Variants in NOC3L observed in about 807,000 individuals in gnomAD.
NOC3L encodes the protein nucleolar complex protein 3 homolog.
In NOC3L, 85 loss-of-function variants were observed where a neutral mutation model predicts 102.5. The ratio of observed to expected loss-of-function variants is 0.83; its 90% CI spans 0.70 to 0.99. The LOEUF (loss-of-function observed/expected upper bound fraction) is 0.99. NOC3L is among the 50% of genes least tolerant of loss of function. NOC3L has a pLI of 0.00. For synonymous variants in NOC3L, 303 were observed against 309.4 expected, an observed-to-expected ratio of 0.98 and a Z score of 0.22; for missense variants, 878 against 914.9, an observed-to-expected ratio of 0.96 and a Z score of 0.52.
At chr10:94,328,980 T>A (rs2133960740), downstream of NOC3L, 1 of 152,350 alleles carries the variant, frequency 6.6e-6, no homozygotes, top group South Asian at 2.1e-4. Context: ...GCGTTTAAAT[T>A]TATTTTGCAA....
At chr10:94,340,588 G>A in intron 14 of NOC3L, 92 bp from the exon 15 acceptor site, 1 of 1,067,050 alleles carries the variant, frequency 9.4e-7, no homozygotes, top group South Asian at 1.4e-5. Flanking sequence ...AAGGCCAGGA[G>A]CAAAGACTCA....
downstream of NOC3L, chr10:94,330,193 C>T (rs1369744026): frequency 6.6e-6 from 1 of 152,212 alleles, no homozygotes; most frequent in Non-Finnish European, 1.5e-5. Flanking sequence ...CCTCCATGAC[C>T]TTTAACACAG....
chr10:94,352,663 A>C (rs748836860), intron 7 of NOC3L, among the ~76,000 whole-genome samples: 76 of 152,126 alleles, frequency 5.0e-4, no homozygotes, highest in Non-Finnish European at 9.8e-4. Flanking sequence ...CTCTACTAAA[A>C]GCACAAAAAT....
chr10:94,357,350 T>G lies in NOC3L; in HGVS notation c.351-19A>C, dbSNP rs749652995. ...AGGCTCACTGCAGGGGAAAAAAAGA[T>G]CAATTTTCAGTCTTAATAGATCTAA... On this transcript the variant is annotated intron_variant, in intron 3 of 20. Coordinates refer to ENST00000371361, the MANE Select transcript of NOC3L (RefSeq NM_022451.11). 1 of 1,547,626 alleles carries G rather than the reference T, an allele frequency of 6.5e-7. No individual in the cohort carries two copies.
chr10:94,344,450 T>G lies in NOC3L; in HGVS notation c.1536A>C (p.Ser512=), dbSNP rs1589569235. ...CTTCTAGAACTGCTGGCAGGAGAGGTGACCTCTGGGCCTTCTTCAATATTC... is the reference window on the plus strand; with the variant it reads ...CTTCTAGAACTGCTGGCAGGAGAGGGGACCTCTGGGCCTTCTTCAATATTC... The part of the protein sequence containing the change: ...YFRILKKAQR[S]PLLPAVLEGL... The change falls in exon 13 of 21, where the codon TCA becomes TCC. Residue 512 remains serine (S), a synonymous_variant. Transcript: ENST00000371361. The G allele has an allele frequency of 6.2e-7, 1 of 1,613,634 alleles. No individual in the cohort carries two copies. Among genetic ancestry groups the G allele is most frequent in the Non-Finnish European group, 8.5e-7 (1 of 1,179,672 alleles).
At chr10:94,354,623 G>A (rs768854215) in intron 6 of NOC3L, among the ~76,000 whole-genome samples, 15 of 152,016 alleles carry the variant, frequency 9.9e-5, no homozygotes, top group Non-Finnish European at 2.2e-4. Flanking sequence ...AAAACTCCAC[G>A]GGTATGTCAA....
At chr10:94,337,318 ATTTTT>A (rs965241110) in intron 19 of NOC3L, among the ~76,000 whole-genome samples, 1 of 142,642 alleles carries the variant, frequency 7.0e-6, no homozygotes, top group African/African-American at 2.6e-5. Flanking sequence ...CCCTCTCCTC[ATTTTT>A]TTTTTCTCCT....
chr10:94,343,428 C>T lies in NOC3L; in HGVS notation c.1571+987G>A, dbSNP rs117209742. Among the ~76,000 whole-genome samples the T allele has an allele frequency of 8.2e-3, 1,254 of 152,288 alleles. 4 individuals are homozygous for T. The highest frequency in any genetic ancestry group is 0.013 in the Non-Finnish European group (888 of 68,010). On this transcript the variant is annotated intron_variant, in intron 13 of 20. Transcript: ENST00000371361. The stretch of plus-strand genomic sequence containing the variant: ...AAGTCCTACACAATGTAGGAATAAT[C>T]CCTTCTCTGACCAGCCTCTCTGAAG...
downstream of NOC3L, chr10:94,328,610 A>C (rs2054114776): frequency 6.6e-6 from 1 of 152,306 alleles, no homozygotes; most frequent in Non-Finnish European, 1.5e-5. Context: ...AAGTTTAGCC[A>C]TACATTTTAT....
intron 6 of NOC3L, among the ~76,000 whole-genome samples, chr10:94,354,279 T>C (rs1433628732): frequency 6.6e-6 from 1 of 152,222 alleles, no homozygotes; most frequent in South Asian, 2.1e-4. Flanking sequence ...GACACCAGCA[T>C]AACAATAATA....
chr10:94,318,056 T>C, the NOC3L span, among the ~76,000 whole-genome samples: 1 of 152,186 alleles, frequency 6.6e-6, no homozygotes, highest in South Asian at 2.1e-4. Flanking sequence ...TGAGTGAATG[T>C]GACCTAAAGC....
chr10:94,334,558 A>G lies in NOC3L; in HGVS notation c.2274+76T>C. 4 of 1,076,224 alleles carry G rather than the reference A, an allele frequency of 3.7e-6. No homozygotes were observed. The South Asian group carries it at 5.6e-5, about 15-fold the overall frequency. 66.7% of individuals were successfully genotyped at this position (1,076,224 alleles called of 1,614,324 possible). ...AAAAAAACTACCTATAAAATAATTA[A>G]GCAAACTGGAGTTAGAGTTATTGAG... is the stretch of plus-strand genomic sequence containing the variant. On this transcript the variant is annotated intron_variant, in intron 20 of 20. Coordinates refer to ENST00000371361, the MANE Select transcript of NOC3L (RefSeq NM_022451.11).
chr10:94,315,385 T>A, the NOC3L span: 1 of 455,912 alleles, frequency 2.2e-6, no homozygotes, highest in South Asian at 1.5e-5. Flanking sequence ...ACCAAGCTAC[T>A]TCTCACGGGA....
intron 5 of NOC3L, among the ~76,000 whole-genome samples, chr10:94,356,301 A>G (rs1054135420): frequency 8.5e-5 from 13 of 152,220 alleles, no homozygotes; most frequent in East Asian, 7.7e-4. Flanking sequence ...CACTTCTTGT[A>G]TGCCTAGATA....
Position 94,352,903 on chromosome 10 carries a change from G to A in NOC3L, c.851C>T (p.Ser284Phe). ...CTAGCAATCTAGCATTACCTTAGTA[G>A]ATTTTTCTGCTTCTGTGAGGGGCCG... is the stretch of plus-strand genomic sequence containing the variant. ...KIRPLTEAEK[S>F]TKTRKETQKL... is the part of the protein sequence containing the mutation. Residue 284 changes from serine to phenylalanine, a missense_variant, in exon 7 of 21, where the codon TCT becomes TTT. Coordinates refer to ENST00000371361, the MANE Select transcript of NOC3L (RefSeq NM_022451.11). 1 of 1,612,156 alleles carries A rather than the reference G, an allele frequency of 6.2e-7. No homozygotes were observed. The highest frequency in any genetic ancestry group is 8.5e-7 in the Non-Finnish European group (1 of 1,178,630).
chr10:94,352,519 AAAAAAC>A, intron 7 of NOC3L, 116 bp from the exon 8 acceptor site: 1 of 672,840 alleles, frequency 1.5e-6, no homozygotes, highest in African/African-American at 1.8e-5. Context: ...AACAAAAAAC[AAAAAAC>A]GCGGCAGTCG....
the NOC3L span, chr10:94,321,939 G>A: frequency 1.2e-5 from 19 of 1,613,774 alleles, no homozygotes; most frequent in Admixed American, 5.0e-5. Flanking sequence ...ATGACAAAGA[G>A]GTGATCTTGA....
the NOC3L span, among the ~76,000 whole-genome samples, chr10:94,324,174 A>AAATT: frequency 6.6e-6 from 1 of 152,212 alleles, no homozygotes; most frequent in Non-Finnish European, 1.5e-5. Flanking sequence ...GTAACGTGGG[A>AAATT]AATTACATTA....
rs74153312 is a variant in NOC3L at position 94,357,063 on chromosome 10, T to G, written c.508+111A>C. 4.7e-3 allele frequency: 3,810 copies of G among 815,512 alleles called. 132 individuals carry two copies. In the African/African-American group the frequency reaches 0.061, roughly 13 times the overall value. The allele number at this position is 815,512 out of a possible 1,614,324, so 50.5% of individuals were successfully genotyped here. A position where few individuals can be genotyped will look rare whatever the true frequency, so the allele number is the denominator to read the frequency against. ...AGCTTGCTATAAGACTAATTGAATA[T>G]TTTCTAGATATGGGTAAAATCAAAG... On this transcript the variant is annotated intron_variant, in intron 4 of 20. Transcript: ENST00000371361.
Sources: gnomAD v4.1 joint callset for allele counts (sites outside exome capture counted in the v4.1 genomes callset) on GRCh38, gnomAD v4.1.1 for gene constraint, MANE v1.5 for transcripts, NCBI Gene and HGNC (gene_info 2026-07-23, HGNC 2026-07-21) for gene names.